Variants in ASIC2 observed in about 807,000 individuals in gnomAD.
ASIC2 encodes acid-sensing ion channel 2.
A neutral mutation model predicts 57.3 loss-of-function variants in ASIC2; 25 were observed. The observed-to-expected ratio is 0.44, with a 90% CI of 0.32 to 0.61. ASIC2 has a LOEUF of 0.61. Ranked by LOEUF, ASIC2 falls within the 20% of genes least tolerant of loss-of-function variation. The pLI, the probability that ASIC2 is intolerant of heterozygous loss-of-function variation, is 0.06. For missense variants in ASIC2, 641 were observed against 738.1 expected (o/e 0.87, Z 1.52); for synonymous variants, 319 against 307.5 (o/e 1.04, Z -0.39).
chr17:33,889,431 G>A (rs1489845229), intron 1 of ASIC2, among the ~76,000 whole-genome samples: 1 of 152,084 alleles, frequency 6.6e-6, no homozygotes. Flanking sequence ...CAATCTCAGA[G>A]GTAATTTACT....
At chr17:33,766,272 T>C (rs1269770649) in intron 1 of ASIC2, among the ~76,000 whole-genome samples, 2 of 152,254 alleles carry the variant, frequency 1.3e-5, no homozygotes, top group African/African-American at 4.8e-5. Flanking sequence ...ATCATAGGTA[T>C]GTATAGGAGT....
At chr17:33,918,863 G>T (rs73274521) in intron 1 of ASIC2, among the ~76,000 whole-genome samples, 3 of 152,164 alleles carry the variant, frequency 2.0e-5, no homozygotes, top group Non-Finnish European at 2.9e-5. Context: ...TCATGCATGC[G>T]GAAGAAACTT....
chr17:34,107,524 A>T (rs1911105204), intron 1 of ASIC2, among the ~76,000 whole-genome samples: 2 of 152,146 alleles, frequency 1.3e-5, no homozygotes, highest in Admixed American at 1.3e-4. Flanking sequence ...GAACAAAGCA[A>T]AACAAAACCA....
chr17:33,212,257 T>C (rs1486126431), intron 1 of ASIC2, among the ~76,000 whole-genome samples: 1 of 152,198 alleles, frequency 6.6e-6, no homozygotes, highest in African/African-American at 2.4e-5. Flanking sequence ...AAGATTATCC[T>C]GGATTATCTG....
At chr17:33,170,116 AG>A (rs1567771547) in intron 1 of ASIC2, among the ~76,000 whole-genome samples, 1 of 152,214 alleles carries the variant, frequency 6.6e-6, no homozygotes, top group African/African-American at 2.4e-5. Flanking sequence ...AGTCCTTCCA[AG>A]GGAATCAAGT....
intron 1 of ASIC2, among the ~76,000 whole-genome samples, chr17:33,994,231 C>T (rs1906086240): frequency 6.6e-6 from 1 of 152,120 alleles, no homozygotes; most frequent in Admixed American, 6.5e-5. Context: ...GTGTCAGCTG[C>T]CAGCAAAGGA....
At chr17:33,102,136 A>G (rs1193209076) in intron 2 of ASIC2, among the ~76,000 whole-genome samples, 1 of 152,180 alleles carries the variant, frequency 6.6e-6, no homozygotes, top group Non-Finnish European at 1.5e-5. Context: ...CTGGAATCTT[A>G]TGCAATCCTT....
At chr17:33,620,095 T>G (rs2142020507) in intron 1 of ASIC2, among the ~76,000 whole-genome samples, 1 of 152,176 alleles carries the variant, frequency 6.6e-6, no homozygotes, top group African/African-American at 2.4e-5. Flanking sequence ...TAAAATCCCC[T>G]AAAAGGAAAG....
chr17:33,880,602 G>C lies in ASIC2; in HGVS notation c.555+275376C>G, dbSNP rs556304171. Among the ~76,000 whole-genome samples, 832 of 152,308 alleles carry C rather than the reference G, an allele frequency of 5.5e-3. 4 individuals carry two copies. Among genetic ancestry groups the C allele is most frequent in the Middle Eastern group, 6.8e-3 (2 of 294 alleles). On this transcript the variant is annotated intron_variant, in intron 1 of 9. Coordinates refer to the ASIC2 transcript ENST00000359872. ...TAGACCAATAACAGGCTCTGAAATT[G>C]AGGGAATAATTAATAGCTTACCAAC... is the stretch of plus-strand genomic sequence containing the variant.
chr17:33,654,743 A>C (rs980210297), intron 1 of ASIC2, among the ~76,000 whole-genome samples: 12 of 152,256 alleles, frequency 7.9e-5, no homozygotes, highest in African/African-American at 2.7e-4. Flanking sequence ...ATGAAGTACA[A>C]TTCAGAAGAA....
intron 1 of ASIC2, among the ~76,000 whole-genome samples, chr17:33,457,542 G>C (rs1445939969): frequency 9.3e-6 from 1 of 107,640 alleles, no homozygotes; most frequent in Non-Finnish European, 2.0e-5. Flanking sequence ...CATACTAAAG[G>C]CCAGGCATAA....
At chr17:33,455,683 G>A (rs1162651572) in intron 1 of ASIC2, among the ~76,000 whole-genome samples, 3 of 152,122 alleles carry the variant, frequency 2.0e-5, no homozygotes, top group Non-Finnish European at 2.9e-5. Flanking sequence ...ATGCCTGTGA[G>A]TTTTCTTCAT....
Position 33,366,289 on chromosome 17 carries a change from C to A in ASIC2, c.556-254222G>T, listed in dbSNP as rs552029501. On this transcript the variant is annotated intron_variant, in intron 1 of 9. Transcript: ENST00000359872. ...ATGGTTGTATAATTCTGGAGAAAGA[C>A]CAAACTCTTGGGGACAGCATTCAAA... Among the ~76,000 whole-genome samples the A allele has an allele frequency of 3.7e-4, 57 of 152,324 alleles. 1 individual carries two copies. In the South Asian group the frequency reaches 0.01, roughly 28 times the overall value.
chr17:33,635,809 G>A (rs1036955392), intron 1 of ASIC2, among the ~76,000 whole-genome samples: 4 of 152,132 alleles, frequency 2.6e-5, no homozygotes, highest in Admixed American at 2.6e-4. Flanking sequence ...GGTCCCCATT[G>A]GAACAAAACC....
At chr17:34,145,291 T>C (rs989622833) in intron 1 of ASIC2, among the ~76,000 whole-genome samples, 1 of 152,188 alleles carries the variant, frequency 6.6e-6, no homozygotes, top group Non-Finnish European at 1.5e-5. Flanking sequence ...TATTGGGAAA[T>C]GGGGTGATTC....
intron 1 of ASIC2, among the ~76,000 whole-genome samples, chr17:33,624,336 G>A (rs1340760293): frequency 2.0e-5 from 3 of 152,200 alleles, no homozygotes; most frequent in Admixed American, 6.5e-5. Context: ...AGAGATGGTG[G>A]TGAAGATCCA....
chr17:33,525,649 C>A (rs1269582287), intron 1 of ASIC2, among the ~76,000 whole-genome samples: 1 of 152,250 alleles, frequency 6.6e-6, no homozygotes, highest in Non-Finnish European at 1.5e-5. Flanking sequence ...AATACCTCTG[C>A]ATTACCTAGA....
chr17:33,814,587 T>C (rs892901584), intron 1 of ASIC2, among the ~76,000 whole-genome samples: 2 of 152,250 alleles, frequency 1.3e-5, no homozygotes, highest in African/African-American at 4.8e-5. Flanking sequence ...GCACTGTGCT[T>C]CTACATTGGG....
intron 1 of ASIC2, among the ~76,000 whole-genome samples, chr17:33,553,621 G>A (rs1261297247): frequency 6.6e-6 from 1 of 152,080 alleles, no homozygotes; most frequent in Non-Finnish European, 1.5e-5. Context: ...GCAGGCGTGA[G>A]CCACTGTGCC....
Sources: gnomAD v4.1 joint callset for allele counts (sites outside exome capture counted in the v4.1 genomes callset) on GRCh38, gnomAD v4.1.1 for gene constraint, MANE v1.5 for transcripts, NCBI Gene and HGNC (gene_info 2026-07-23, HGNC 2026-07-21) for gene names.